Variants in GLP2R observed in about 807,000 individuals in gnomAD.
The protein encoded by GLP2R is glucagon like peptide 2 receptor.
In GLP2R, 59 loss-of-function variants were observed where a neutral mutation model predicts 68.2. The observed-to-expected ratio is 0.87, with a 90% CI of 0.70 to 1.07. The LOEUF is 1.07. Among genes scored for constraint, GLP2R ranks in the 50% least tolerant of loss-of-function variants. GLP2R has a pLI of 0.00. For synonymous variants in GLP2R, 270 were observed against 265.4 expected (o/e 1.02, Z -0.17); for missense variants, 548 against 677.4 (o/e 0.81, Z 2.12).
At chr17:9,843,846 G>C (rs2066811115) in intron 4 of GLP2R, among the ~76,000 whole-genome samples, 1 of 152,190 alleles carries the variant, frequency 6.6e-6, no homozygotes, top group Non-Finnish European at 1.5e-5. Context: ...TATACGATGG[G>C]TTAGGTTTTT....
intron 9 of GLP2R, among the ~76,000 whole-genome samples, chr17:9,863,627 G>A (rs1028200211): frequency 9.9e-5 from 15 of 151,994 alleles, no homozygotes; most frequent in Non-Finnish European, 1.0e-4. Context: ...TCCTTCCCTC[G>A]CCATCTTTTC....
chr17:9,859,607 A>G (rs942692048), intron 6 of GLP2R, among the ~76,000 whole-genome samples: 1 of 149,024 alleles, frequency 6.7e-6, no homozygotes, highest in Non-Finnish European at 1.5e-5. Context: ...CCTGGCCAAC[A>G]TGGTGAAACC....
At position 9,889,611 on chromosome 17, in the gene GLP2R, G is replaced by C. The variant is rs16958918; in HGVS notation, c.1568G>C (p.Arg523Pro). The change falls in exon 13 of 13, where the codon CGC becomes CCC. Residue 523 changes from arginine (R) to proline (P), a missense_variant. Physicochemically the swap from Arg to Pro is moderately radical, Grantham distance 103 (BLOSUM62 -2). Transcript: ENST00000262441. ...LGAQPQQDHARWPRGSSLSEC... is the reference protein window; with the variant it reads ...LGAQPQQDHAPWPRGSSLSEC... Reference sequence around the variant, plus strand: ...GCCCAGCCCCAACAGGACCATGCACGCTGGCCCCGGGGCAGCAGCCTGTCC... The same window carrying C: ...GCCCAGCCCCAACAGGACCATGCACCCTGGCCCCGGGGCAGCAGCCTGTCC... 1 of 1,613,728 alleles carries C rather than the reference G, an allele frequency of 6.2e-7. No homozygotes were observed. Among genetic ancestry groups the C allele is most frequent in the East Asian group, 2.2e-5 (1 of 44,868 alleles).
intron 9 of GLP2R, among the ~76,000 whole-genome samples, chr17:9,868,623 C>T (rs142300418): frequency 3.3e-5 from 5 of 152,100 alleles, no homozygotes; most frequent in Non-Finnish European, 7.4e-5. Context: ...CTCTTGTCTT[C>T]TTGGAAGCCC....
chr17:9,826,659 T>TTTTCC (rs1025415279), intron 1 of GLP2R, among the ~76,000 whole-genome samples: 2 of 152,192 alleles, frequency 1.3e-5, no homozygotes, highest in East Asian at 1.9e-4. Context: ...CCATTTTTCT[T>TTTTCC]TTTCCTTTCC....
rs35526930 is a variant in GLP2R, at chr17:9,881,378, C to CTTTT, written c.1284+879_1284+882dup. 1.4e-4 allele frequency among the ~76,000 whole-genome samples: 13 copies of CTTTT among 95,644 alleles called. 1 individual carries two copies. The highest frequency in any genetic ancestry group is 3.3e-4 in the Admixed American group (3 of 8,996). The allele number at this position is 95,644 out of a possible 152,430, so 62.7% of individuals were successfully genotyped here. A position where few individuals can be genotyped will look rare whatever the true frequency, so the allele number is the denominator to read the frequency against. On this transcript the variant is annotated intron_variant, in intron 11 of 12. Coordinates refer to ENST00000262441, the MANE Select transcript of GLP2R (RefSeq NM_004246.3). Reference sequence around the variant, plus strand: ...AGTATAAAAGCAGGAGCTGTCAGGCCTTTTTTTTTTTTTTTTTTTTGAGAC... The same window carrying CTTTT: ...AGTATAAAAGCAGGAGCTGTCAGGCCTTTTTTTTTTTTTTTTTTTTTTTTGAGAC...
chr17:9,883,008 C>T (rs1057428771), intron 11 of GLP2R, among the ~76,000 whole-genome samples: 2 of 127,406 alleles, frequency 1.6e-5, no homozygotes, highest in African/African-American at 2.7e-5. Flanking sequence ...AAAAAAAAAG[C>T]AGTCATTAGA....
chr17:9,887,000 G>C (rs1175016919), intron 11 of GLP2R, among the ~76,000 whole-genome samples: 1 of 152,134 alleles, frequency 6.6e-6, no homozygotes, highest in East Asian at 1.9e-4. Context: ...GGGACAGCCA[G>C]GACATGTAGG....
At chr17:9,879,836 A>G (rs1191450281) in intron 10 of GLP2R, among the ~76,000 whole-genome samples, 1 of 152,188 alleles carries the variant, frequency 6.6e-6, no homozygotes, top group Non-Finnish European at 1.5e-5. Flanking sequence ...AAGTCCAGAA[A>G]GGAGTCTGCA....
chr17:9,833,925 T>A (rs763435625), intron 2 of GLP2R, 31 bp downstream of exon 2: 6 of 1,352,818 alleles, frequency 4.4e-6, no homozygotes, highest in Middle Eastern at 1.8e-4. Flanking sequence ...TCCGTGGCTG[T>A]GTAACAAATT....
chr17:9,841,951 A>G (rs990608851), intron 3 of GLP2R, among the ~76,000 whole-genome samples: 6 of 152,198 alleles, frequency 3.9e-5, no homozygotes, highest in African/African-American at 1.4e-4. Context: ...TCATTTTCAC[A>G]TACACTTTCA....
At chr17:9,862,294 T>C (rs1451252013) in intron 9 of GLP2R, among the ~76,000 whole-genome samples, 2 of 152,240 alleles carry the variant, frequency 1.3e-5, no homozygotes, top group African/African-American at 4.8e-5. Flanking sequence ...TAAGCCTCCT[T>C]CTCTCTGGGT....
At chr17:9,845,194 G>A (rs1192842281) in intron 4 of GLP2R, among the ~76,000 whole-genome samples, 1 of 151,932 alleles carries the variant, frequency 6.6e-6, no homozygotes, top group Admixed American at 6.6e-5. Flanking sequence ...GAGTAGCTGG[G>A]ACTACAGGTG....
intron 4 of GLP2R, among the ~76,000 whole-genome samples, chr17:9,847,561 C>T (rs1394084931): frequency 6.6e-6 from 1 of 152,146 alleles, no homozygotes; most frequent in Non-Finnish European, 1.5e-5. Context: ...AGCCACCGCG[C>T]CCGGCCATCG....
At chr17:9,859,888 G>T in intron 6 of GLP2R, 54 bp from the exon 7 acceptor site, 1 of 1,336,858 alleles carries the variant, frequency 7.5e-7, no homozygotes, top group Non-Finnish European at 9.9e-7. Context: ...CCCCCGACTC[G>T]GGATCAGATG....
Position 9,866,950 on chromosome 17 carries a change from C to A in GLP2R, c.1057-3797C>A, listed in dbSNP as rs141797253. 38 of 151,980 alleles carry A rather than the reference C, an allele frequency of 2.5e-4. No individual in the cohort carries two copies. The East Asian group carries it at 7.1e-3, about 29-fold the overall frequency. The allele number at this position is 151,980 out of a possible 1,614,324, so 9.4% of individuals were successfully genotyped here. A position where few individuals can be genotyped will look rare whatever the true frequency, so the allele number is the denominator to read the frequency against. On this transcript the variant is annotated intron_variant, in intron 9 of 12. Transcript: ENST00000262441. ...TCCACTGCACTAGACTGTGACATAACCAATAAAATAAAATAAGATAAAATA... is the reference window on the plus strand; with the variant it reads ...TCCACTGCACTAGACTGTGACATAAACAATAAAATAAAATAAGATAAAATA...
At chr17:9,883,853 T>A (rs2067218260) in intron 11 of GLP2R, among the ~76,000 whole-genome samples, 1 of 152,092 alleles carries the variant, frequency 6.6e-6, no homozygotes, top group South Asian at 2.1e-4. Flanking sequence ...TCAAGAAATA[T>A]CAAAGGATGT....
At chr17:9,886,148 A>C (rs936204152) in intron 11 of GLP2R, among the ~76,000 whole-genome samples, 11 of 152,180 alleles carry the variant, frequency 7.2e-5, no homozygotes, top group African/African-American at 2.7e-4. Flanking sequence ...CCACCATGGG[A>C]ATTGGCAAGA....
At chr17:9,830,002 T>C (rs1459814076) in intron 1 of GLP2R, among the ~76,000 whole-genome samples, 1 of 152,244 alleles carries the variant, frequency 6.6e-6, no homozygotes, top group Non-Finnish European at 1.5e-5. Flanking sequence ...GCTGGACTTT[T>C]CCAGTTGGAA....
Sources: gnomAD v4.1 joint callset for allele counts (sites outside exome capture counted in the v4.1 genomes callset) on GRCh38, gnomAD v4.1.1 for gene constraint, MANE v1.5 for transcripts, NCBI Gene and HGNC (gene_info 2026-07-23, HGNC 2026-07-21) for gene names.